The following ZSCAN31 variants were observed in gnomAD, a reference collection of about 807,000 sequenced individuals.
ZSCAN31 encodes the protein zinc finger and SCAN domain-containing protein 31.
ZSCAN31 carries 14 observed loss-of-function variants against 22.5 expected under a neutral mutation model. The ratio of observed to expected loss-of-function variants is 0.62; its 90% CI spans 0.41 to 0.97. The LOEUF (loss-of-function observed/expected upper bound fraction) is 0.97. Among genes scored for constraint, ZSCAN31 ranks in the 50% least tolerant of loss-of-function variants. The pLI is 0.00. For missense variants in ZSCAN31, 424 were observed against 483.4 expected (o/e 0.88, Z 1.15); for synonymous variants, 168 against 169.8 (o/e 0.99, Z 0.08).
In ZSCAN31 at chr6:28,349,277, C is replaced by A. The variant is rs1764818014; in HGVS notation, c.-371+4585G>T. Among the ~76,000 whole-genome samples, 1 of 151,494 alleles carries A rather than the reference C, an allele frequency of 6.6e-6. No individual in the cohort carries two copies. Among genetic ancestry groups the A allele is most frequent in the Non-Finnish European group, 1.5e-5 (1 of 67,842 alleles). ...ATAGGTATATATTTCAACTACTTAT[C>A]CCTAATGAATAAAGTTACTAATGTT... On this transcript the variant is annotated intron_variant, in intron 2 of 7. Coordinates refer to the ZSCAN31 transcript ENST00000396838. The surrounding 1 kb of genome is among the most constrained non-coding windows in gnomAD (Gnocchi z 4.1).
intron 3 of ZSCAN31, chr6:28,341,678 A>G (rs1026963461): frequency 6.6e-6 from 1 of 152,248 alleles, no homozygotes; most frequent in Admixed American, 6.5e-5. Flanking sequence ...GAGAAAGAAA[A>G]AATTGGAGCA....
At chr6:28,345,144 C>CAAAAAAAAAAAAAAAAAAAAAAAAAAAA (rs60598517) in intron 2 of ZSCAN31, among the ~76,000 whole-genome samples, 1 of 93,640 alleles carries the variant, frequency 1.1e-5, no homozygotes, top group African/African-American at 3.8e-5. Context: ...AACTGTGTCT[C>CAAAAAAAAAAAAAAAAAAAAAAAAAAAA]AAAAAAAAAA....
intron 1 of ZSCAN31, chr6:28,335,699 G>T (rs1422619201): frequency 6.6e-6 from 1 of 152,210 alleles, no homozygotes; most frequent in African/African-American, 2.4e-5. Context: ...CAGACTAAGC[G>T]CATTCCCTCT....
intron 1 of ZSCAN31, 121 bp from the exon 2 acceptor site, chr6:28,329,899 T>C (rs1307934341): frequency 1.9e-6 from 1 of 526,948 alleles, no homozygotes; most frequent in East Asian, 3.1e-5. Context: ...ATATAGTTAC[T>C]GACTTACATA....
chr6:28,343,538 CTTTCT>C (rs1292271423), intron 2 of ZSCAN31, among the ~76,000 whole-genome samples: 1 of 130,286 alleles, frequency 7.7e-6, no homozygotes, highest in African/African-American at 3.0e-5. Context: ...TTTTTTTTTT[CTTTCT>C]TTTTTTTTTT....
chr6:28,341,792 T>G (rs9468344), exon 3 of ZSCAN31: 61,749 of 152,058 alleles, frequency 0.41, 15,740 homozygotes, highest in African/African-American at 0.72. Flanking sequence ...ATGCCTGGGG[T>G]CTGCTAAAAA....
chr6:28,326,727 A>G lies in ZSCAN31; in HGVS notation c.660T>C (p.Cys220=), dbSNP rs1348378998. 1.2e-6 allele frequency: 2 copies of G among 1,614,088 alleles called. No individual in the cohort carries two copies. Among genetic ancestry groups the G allele is most frequent in the Non-Finnish European group, 1.7e-6 (2 of 1,180,036 alleles). Residue 220 remains cysteine (C), a synonymous_variant, in exon 4 of 4, where the codon TGT becomes TGC. Coordinates refer to ENST00000344279, the MANE Select transcript of ZSCAN31 (RefSeq NM_030899.5). ...GCTTTTCTGCCTTGCTGTCTCGTTTACAAGTTTCTCTGTACTTAGAATCCA... is the reference window on the plus strand; with the variant it reads ...GCTTTTCTGCCTTGCTGTCTCGTTTGCAAGTTTCTCTGTACTTAGAATCCA... ...VSLDSKYRET[C]KRDSKAEKQQ...
Position 28,349,585 on chromosome 6 carries a change from A to G in ZSCAN31, c.-371+4277T>C, listed in dbSNP as rs1764833208. On this transcript the variant is annotated intron_variant, in intron 2 of 7. Transcript: ENST00000396838. The surrounding 1 kb of genome is among the most constrained non-coding windows in gnomAD (Gnocchi z 4.1). ...AATTAAAAGTACATTTAAAACATGC[A>G]CCCTAACACTTTCCTTCTCACTCTT... Among the ~76,000 whole-genome samples, 1 of 152,152 alleles carries G rather than the reference A, an allele frequency of 6.6e-6. No individual in the cohort carries two copies.
At chr6:28,353,378 C>T (rs568734063) in intron 2 of ZSCAN31, 2 of 154,942 alleles carry the variant, frequency 1.3e-5, no homozygotes, top group East Asian at 1.9e-4. Flanking sequence ...AAATCTAGTC[C>T]CAGCTGGTTC....
chr6:28,344,959 T>C (rs1038855974), intron 2 of ZSCAN31, among the ~76,000 whole-genome samples: 1 of 145,088 alleles, frequency 6.9e-6, no homozygotes, highest in African/African-American at 2.7e-5. Flanking sequence ...GCAAAACCCG[T>C]TCTCTACTAA....
chr6:28,344,865 C>T (rs1042924818), intron 2 of ZSCAN31, among the ~76,000 whole-genome samples: 1 of 151,772 alleles, frequency 6.6e-6, no homozygotes, highest in Non-Finnish European at 1.5e-5. Flanking sequence ...CATGGTGGCT[C>T]ACGCCTGTAA....
upstream of ZSCAN31, among the ~76,000 whole-genome samples, chr6:28,354,769 C>A (rs1765313878): frequency 6.6e-6 from 1 of 152,256 alleles, no homozygotes; most frequent in African/African-American, 2.4e-5. Context: ...TGTCCCCATA[C>A]CTGGTTGGAG....
At chr6:28,341,463 A>G (rs543213511) in intron 3 of ZSCAN31, among the ~76,000 whole-genome samples, 1 of 152,178 alleles carries the variant, frequency 6.6e-6, no homozygotes, top group African/African-American at 2.4e-5. Context: ...TAGGGCGCTA[A>G]CCCCATTCAT....
At chr6:28,334,874 G>A (rs1046496630) in intron 1 of ZSCAN31, among the ~76,000 whole-genome samples, 15 of 152,316 alleles carry the variant, frequency 9.8e-5, no homozygotes, top group African/African-American at 3.6e-4. Context: ...TTGTGGTTAT[G>A]TAGGGAAATG....
chr6:28,340,989 C>CT (rs1389296405), upstream of ZSCAN31, among the ~76,000 whole-genome samples: 1 of 152,120 alleles, frequency 6.6e-6, no homozygotes, highest in African/African-American at 2.4e-5. Context: ...TAGAAAATGT[C>CT]TTTATTTCAC....
rs964582701 is a variant in ZSCAN31 at position 28,351,057 on chromosome 6, T to G, written c.-371+2805A>C. ...ACTGGCTTCATACTAACACCCTTCA[T>G]TTCAACCCAACTTTTACAGGGTTAG... On this transcript the variant is annotated intron_variant, in intron 2 of 7. Transcript: ENST00000396838. The surrounding 1 kb of genome is among the most constrained non-coding windows in gnomAD (Gnocchi z 4.6). Among the ~76,000 whole-genome samples the G allele has an allele frequency of 2.6e-5, 4 of 152,204 alleles. No individual in the cohort carries two copies. The East Asian group carries it at 7.7e-4, about 29-fold the overall frequency.
intron 1 of ZSCAN31, chr6:28,335,726 A>G (rs1764110859): frequency 6.6e-6 from 1 of 152,184 alleles, no homozygotes; most frequent in Non-Finnish European, 1.5e-5. Context: ...CAGTCCATAA[A>G]AACCCCAGAA....
At chr6:28,353,637 C>T (rs1043830501) in intron 2 of ZSCAN31, among the ~76,000 whole-genome samples, 5 of 152,090 alleles carry the variant, frequency 3.3e-5, no homozygotes, top group African/African-American at 1.2e-4. Context: ...GATTTGTTTG[C>T]AAGATTTCCA....
At chr6:28,344,861 G>A (rs1172935728) in intron 2 of ZSCAN31, among the ~76,000 whole-genome samples, 1 of 152,044 alleles carries the variant, frequency 6.6e-6, no homozygotes, top group Non-Finnish European at 1.5e-5. Context: ...CAGACATGGT[G>A]GCTCACGCCT....
Sources: allele counts gnomAD v4.1 joint callset (sites outside exome capture counted in the v4.1 genomes callset), GRCh38; gene constraint gnomAD v4.1.1; non-coding constraint Gnocchi (gnomAD v3.1); transcripts MANE v1.5; gene names NCBI Gene and HGNC (gene_info 2026-07-23, HGNC 2026-07-21).